Variants in AOAH observed in about 807,000 individuals in gnomAD.
AOAH encodes the protein acyloxyacyl hydrolase.
A neutral mutation model predicts 92.2 loss-of-function variants in AOAH; 64 were observed. That is an observed-to-expected ratio of 0.69 (90% confidence interval 0.57 to 0.86). The LOEUF (loss-of-function observed/expected upper bound fraction) is 0.86, where lower values mean the gene tolerates loss of function less well. Among genes scored for constraint, AOAH ranks in the 40% least tolerant of loss-of-function variants. The probability of loss-of-function intolerance (pLI) is 0.00; values close to 1 mark genes in which losing one functional copy is unlikely to be tolerated. For synonymous variants in AOAH, 263 were observed against 254.5 expected (o/e 1.03, Z -0.32); for missense variants, 656 against 694.6 (o/e 0.94, Z 0.62).
chr7:36,526,806 CTGTT>C (rs748956872), intron 19 of AOAH, among the ~76,000 whole-genome samples: 1 of 152,208 alleles, frequency 6.6e-6, no homozygotes, highest in South Asian at 2.1e-4. Context: ...TCATCAAACA[CTGTT>C]TGATGAACAG....
chr7:36,723,262 A>G (rs1250069472), intron 1 of AOAH, among the ~76,000 whole-genome samples: 2 of 152,130 alleles, frequency 1.3e-5, no homozygotes, highest in African/African-American at 4.8e-5. Flanking sequence ...TGCCACCACT[A>G]TTATGAGAAT....
At chr7:36,711,727 C>T (rs141645486) in intron 1 of AOAH, among the ~76,000 whole-genome samples, 4 of 152,088 alleles carry the variant, frequency 2.6e-5, no homozygotes, top group African/African-American at 4.8e-5. Flanking sequence ...CCAGCTAGAC[C>T]GCGAAGATCT....
chr7:36,674,275 G>A (rs943520951), intron 2 of AOAH, among the ~76,000 whole-genome samples: 13 of 152,088 alleles, frequency 8.5e-5, no homozygotes, highest in South Asian at 2.1e-4. Flanking sequence ...TTTCCTTTTC[G>A]TTCATTCTTT....
chr7:36,588,684 C>T (rs1048418863), intron 12 of AOAH, among the ~76,000 whole-genome samples: 1 of 152,158 alleles, frequency 6.6e-6, no homozygotes, highest in African/African-American at 2.4e-5. Flanking sequence ...CAGTGTTATA[C>T]ACTGATTTTC....
intron 5 of AOAH, among the ~76,000 whole-genome samples, chr7:36,633,209 C>T (rs1793260919): frequency 6.6e-6 from 1 of 152,234 alleles, no homozygotes. Context: ...GCTAGAGATG[C>T]ACATCCTTGC....
At chr7:36,605,006 T>C (rs1390451040) in intron 11 of AOAH, among the ~76,000 whole-genome samples, 1 of 152,250 alleles carries the variant, frequency 6.6e-6, no homozygotes, top group Non-Finnish European at 1.5e-5. Flanking sequence ...GACTTTGTAC[T>C]TCATGCATGC....
Position 36,522,107 on chromosome 7 carries a change from C to G in AOAH, c.1531G>C (p.Glu511Gln). The part of the protein sequence containing the change: ...MDFAFHEIIQ[E>Q]WQKRGGQPWQ... Reference sequence around the variant, plus strand: ...GGCTGTCCGCCTCTCTTCTGCCACTCCTGTATGACTGCAGGGCACATAACG... The same window carrying G: ...GGCTGTCCGCCTCTCTTCTGCCACTGCTGTATGACTGCAGGGCACATAACG... The change falls in exon 20 of 21, where the codon GAG becomes CAG. Residue 511 changes from glutamate to glutamine, a missense_variant. Glu to Gln is a conservative substitution (Grantham distance 29, BLOSUM62 2). Coordinates refer to ENST00000617537, the MANE Select transcript of AOAH (RefSeq NM_001637.4). 1 of 1,614,190 alleles carries G rather than the reference C, an allele frequency of 6.2e-7. No homozygotes were observed. The highest frequency in any genetic ancestry group is 8.5e-7 in the Non-Finnish European group (1 of 1,180,014).
intron 3 of AOAH, among the ~76,000 whole-genome samples, chr7:36,663,180 G>A (rs1795318559): frequency 6.6e-6 from 1 of 152,066 alleles, no homozygotes; most frequent in Non-Finnish European, 1.5e-5. Context: ...GCAGTTTTAG[G>A]TTTACAGTGA....
chr7:36,607,830 G>C (rs1165296112), intron 11 of AOAH, among the ~76,000 whole-genome samples: 1 of 152,162 alleles, frequency 6.6e-6, no homozygotes, highest in African/African-American at 2.4e-5. Context: ...AGTCGGGTGT[G>C]ATTGCCTCTA....
At chr7:36,669,018 G>A (rs79992379) in intron 3 of AOAH, among the ~76,000 whole-genome samples, 52 of 152,334 alleles carry the variant, frequency 3.4e-4, no homozygotes, top group Middle Eastern at 3.4e-3. Context: ...TTGATTGCTT[G>A]AATTAGAATC....
At chr7:36,659,601 T>C (rs1015385658) in intron 3 of AOAH, among the ~76,000 whole-genome samples, 30 of 152,334 alleles carry the variant, frequency 2.0e-4, no homozygotes, top group Admixed American at 3.9e-4. Context: ...CGTAACTTGA[T>C]GGAAACAATA....
chr7:36,530,606 C>A, intron 18 of AOAH, 92 bp from the exon 19 acceptor site: 1 of 784,262 alleles, frequency 1.3e-6, no homozygotes, highest in Non-Finnish European at 2.2e-6. Flanking sequence ...CGATCTTCCC[C>A]ATCCTACTCT....
intron 13 of AOAH, among the ~76,000 whole-genome samples, chr7:36,554,464 T>C (rs1165437390): frequency 6.6e-6 from 1 of 152,190 alleles, no homozygotes; most frequent in Non-Finnish European, 1.5e-5. Context: ...CTTGGTGATG[T>C]GGGCTCTTTT....
intron 4 of AOAH, among the ~76,000 whole-genome samples, chr7:36,643,554 G>T (rs1794038047): frequency 6.6e-6 from 1 of 152,252 alleles, no homozygotes; most frequent in African/African-American, 2.4e-5. Flanking sequence ...TGGTAAGAAA[G>T]GAGAAAGAAG....
rs867027146 is a variant in AOAH, at chr7:36,545,650, T to C, written c.1133+2962A>G. Among the ~76,000 whole-genome samples, 14 of 152,218 alleles carry C rather than the reference T, an allele frequency of 9.2e-5. 1 individual carries two copies. The highest frequency in any genetic ancestry group is 2.9e-4 in the African/African-American group (12 of 41,450). On this transcript the variant is annotated intron_variant, in intron 15 of 20. Transcript: ENST00000617537. ...TAAGATGAAAATGTATAATTTATACTTTCTGTGTATACTCCTAAGAATATG... is the reference window on the plus strand; with the variant it reads ...TAAGATGAAAATGTATAATTTATACCTTCTGTGTATACTCCTAAGAATATG...
At chr7:36,539,194 G>A (rs1214106799) in intron 16 of AOAH, among the ~76,000 whole-genome samples, 3 of 152,228 alleles carry the variant, frequency 2.0e-5, no homozygotes, top group Non-Finnish European at 4.4e-5. Context: ...GAAAGAATGA[G>A]TTTCAGGTCT....
intron 16 of AOAH, among the ~76,000 whole-genome samples, chr7:36,539,459 C>T (rs1785277741): frequency 1.3e-5 from 2 of 152,346 alleles, no homozygotes; most frequent in South Asian, 4.1e-4. Flanking sequence ...TGGCACTTAT[C>T]ACCTTCTGAT....
intron 16 of AOAH, among the ~76,000 whole-genome samples, chr7:36,535,115 TG>T (rs1784967026): frequency 1.3e-5 from 2 of 151,264 alleles, no homozygotes; most frequent in Non-Finnish European, 3.0e-5. Context: ...TGTCTGTGTC[TG>T]TGTGTGTATG....
chr7:36,532,146 C>T lies in AOAH; in HGVS notation c.1425+1G>A, dbSNP rs1351224049. On this transcript the variant is annotated splice_donor_variant, in intron 18 of 20. Coordinates refer to ENST00000617537, the MANE Select transcript of AOAH (RefSeq NM_001637.4). LOFTEE classifies it high-confidence loss of function. The stretch of plus-strand genomic sequence containing the variant: ...TATCAAAAGGCCTGTGACAGTCATA[C>T]CTCTGAAGTGAGAGTCCGCAACGTC... The T allele has an allele frequency of 1.2e-6, 2 of 1,614,200 alleles. No homozygotes were observed. Among genetic ancestry groups the T allele is most frequent in the Non-Finnish European group, 1.7e-6 (2 of 1,180,024 alleles).
Sources: gnomAD v4.1 joint callset for allele counts (sites outside exome capture counted in the v4.1 genomes callset) on GRCh38, gnomAD v4.1.1 for gene constraint, MANE v1.5 for transcripts, NCBI Gene and HGNC (gene_info 2026-07-23, HGNC 2026-07-21) for gene names.